Variants in TEX9 observed in about 807,000 individuals in gnomAD.
TEX9 encodes testis expressed 9, also known as testis-expressed protein 9.
Under a neutral mutation model 59.6 loss-of-function variants are expected in TEX9, and 74 were observed. That is an observed-to-expected ratio of 1.24 (90% CI 1.03 to 1.51). The LOEUF (loss-of-function observed/expected upper bound fraction) is 1.51, where lower values mean the gene tolerates loss of function less well. Ranked by LOEUF, TEX9 falls within the 40% of genes most tolerant of loss-of-function variation. The pLI, the probability that TEX9 is intolerant of heterozygous loss-of-function variation, is 0.00. For synonymous variants in TEX9, 186 were observed against 152.2 expected (o/e 1.22, Z -1.64); for missense variants, 522 against 447.8 (o/e 1.17, Z -1.49).
chr15:56,385,149 T>C (rs1353043051), intron 4 of TEX9, among the ~76,000 whole-genome samples: 1 of 152,184 alleles, frequency 6.6e-6, no homozygotes, highest in Non-Finnish European at 1.5e-5. Flanking sequence ...TTGTCAAAAA[T>C]CAGTTGACTG....
At chr15:56,429,304 C>CTAT in intron 12 of TEX9, 1 of 669,788 alleles carries the variant, frequency 1.5e-6, no homozygotes, top group Non-Finnish European at 2.5e-6. Flanking sequence ...GTAATGAAAT[C>CTAT]TATTCAACAG....
chr15:56,365,627 TCTA>T, exon 2 of TEX9: 2 of 1,614,170 alleles, frequency 1.2e-6, no homozygotes, highest in Non-Finnish European at 1.7e-6. Context: ...TCAGCAACCC[TCTA>T]CACCTGGACC....
At chr15:56,393,650 A>G (rs1430011230) in intron 7 of TEX9, 1 of 152,238 alleles carries the variant, frequency 6.6e-6, no homozygotes, top group Non-Finnish European at 1.5e-5. Flanking sequence ...GCTGGCAGTA[A>G]AGTACCAAAG....
intron 9 of TEX9, among the ~76,000 whole-genome samples, chr15:56,403,653 A>C (rs1388663426): frequency 3.3e-5 from 5 of 152,226 alleles, no homozygotes; most frequent in African/African-American, 1.2e-4. Flanking sequence ...CGTGGAACCA[A>C]AAAAGAGCCC....
chr15:56,436,989 A>C (rs2050737125), intron 12 of TEX9, among the ~76,000 whole-genome samples: 1 of 152,164 alleles, frequency 6.6e-6, no homozygotes, highest in South Asian at 2.1e-4. Flanking sequence ...AAAGTCCAGG[A>C]CCAGATGGAT....
At chr15:56,359,415 A>C (rs186220961) in intron 1 of TEX9, among the ~76,000 whole-genome samples, 2 of 152,200 alleles carry the variant, frequency 1.3e-5, no homozygotes, top group East Asian at 3.9e-4. Context: ...TGTCTCTATG[A>C]ATTAACCATT....
In TEX9 at chr15:56,246,151, A is replaced by T. The variant is rs558557389; in HGVS notation, c.-107+1873A>T. Among the ~76,000 whole-genome samples the T allele has an allele frequency of 8.6e-4, 131 of 152,262 alleles. 2 individuals carry two copies. The highest frequency in any genetic ancestry group is 4.5e-3 in the Admixed American group (69 of 15,302). On this transcript the variant is annotated intron_variant, in intron 1 of 5. Coordinates refer to the TEX9 transcript ENST00000560827. ...CAAGTGCAACTTCTGAGAGTTTTTA[A>T]TGGGTTCCATAAAAGAGCCAGGTCA...
rs1305252987 is a variant in TEX9 at position 56,245,351 on chromosome 15, G to GC, written c.-107+1080dup. ...AGAACACCTGTGTGCAAAATAAGCC[G>GC]CCCCCCCGCCCCCGGGGCCTCTTGG... is the stretch of plus-strand genomic sequence containing the variant. On this transcript the variant is annotated intron_variant, in intron 1 of 5. Coordinates refer to the TEX9 transcript ENST00000560827. 1.1e-3 allele frequency among the ~76,000 whole-genome samples: 165 copies of GC among 152,096 alleles called. 1 individual carries two copies. Among genetic ancestry groups the GC allele is most frequent in the Middle Eastern group, 3.4e-3 (1 of 292 alleles).
At chr15:56,349,959 C>T (rs539992756) in intron 1 of TEX9, among the ~76,000 whole-genome samples, 21 of 152,242 alleles carry the variant, frequency 1.4e-4, no homozygotes, top group African/African-American at 4.3e-4. Context: ...TCGGTTAAGA[C>T]TTTACCTTCT....
the TEX9 span, among the ~76,000 whole-genome samples, chr15:56,460,007 A>ATATATATATATATATAT: frequency 1.1e-4 from 3 of 27,610 alleles, no homozygotes; most frequent in African/African-American, 4.0e-4. Context: ...AAAAAAAAAA[A>ATATATATATATATATAT]AAATACATAT....
intron 1 of TEX9, among the ~76,000 whole-genome samples, chr15:56,259,274 C>A (rs2044211768): frequency 6.6e-6 from 1 of 151,990 alleles, no homozygotes; most frequent in Non-Finnish European, 1.5e-5. Context: ...TGGACTACAA[C>A]AGCAGAGTTA....
intron 12 of TEX9, chr15:56,444,572 C>T: frequency 1.9e-6 from 3 of 1,612,752 alleles, no homozygotes; most frequent in Non-Finnish European, 2.5e-6. Flanking sequence ...CAAGATAGTA[C>T]TGTGCTTTCG....
intron 10 of TEX9, among the ~76,000 whole-genome samples, chr15:56,413,610 A>T (rs1222720126): frequency 6.6e-6 from 1 of 151,322 alleles, no homozygotes; most frequent in Non-Finnish European, 1.5e-5. Context: ...TATAAATTTG[A>T]CTGCTCTAGG....
At chr15:56,244,039 A>G (rs1296646641) in exon 1 of TEX9, 12 of 150,978 alleles carry the variant, frequency 7.9e-5, no homozygotes, top group African/African-American at 2.2e-4. Flanking sequence ...GGGGGCCGGG[A>G]GGAGTCCGGC....
At chr15:56,362,357 T>G (rs569854979), upstream of TEX9, among the ~76,000 whole-genome samples, 1 of 152,222 alleles carries the variant, frequency 6.6e-6, no homozygotes, top group Non-Finnish European at 1.5e-5. Context: ...ACACCAGGAT[T>G]GTTCTATCCC....
intron 12 of TEX9, chr15:56,434,502 TA>T: frequency 8.3e-7 from 1 of 1,201,568 alleles, no homozygotes; most frequent in Non-Finnish European, 1.1e-6. Context: ...TATGAAATCA[TA>T]CAAACTGAAA....
At chr15:56,429,089 A>G (rs368320054) in intron 12 of TEX9, 389 of 1,550,702 alleles carry the variant, frequency 2.5e-4, no homozygotes, top group Non-Finnish European at 3.3e-4. Context: ...GCTTTACCCA[A>G]TTTTGATGAT....
intron 7 of TEX9, chr15:56,393,634 A>G (rs2048317976): frequency 6.6e-6 from 1 of 152,206 alleles, no homozygotes. Flanking sequence ...TGAATAATGA[A>G]CTTTTGCTGG....
At chr15:56,349,817 GTGTT>G (rs1231139910) in intron 1 of TEX9, among the ~76,000 whole-genome samples, 23 of 152,156 alleles carry the variant, frequency 1.5e-4, no homozygotes, top group African/African-American at 5.3e-4. Context: ...GCGTGTGTGT[GTGTT>G]TGTGTCCAGA....
Sources: gnomAD v4.1 joint callset for allele counts (sites outside exome capture counted in the v4.1 genomes callset) on GRCh38, gnomAD v4.1.1 for gene constraint, MANE v1.5 for transcripts, NCBI Gene and HGNC (gene_info 2026-07-23, HGNC 2026-07-21) for gene names.